The following NAV2 variants were observed in gnomAD, a reference collection of about 807,000 sequenced individuals.
NAV2 encodes helicase, APC down-regulated 1.
A neutral mutation model predicts 223.2 loss-of-function variants in NAV2; 54 were observed. That is an observed-to-expected ratio of 0.24 (90% confidence interval 0.19 to 0.30). NAV2 has a LOEUF of 0.30. Ranked by LOEUF, NAV2 falls within the 10% of genes least tolerant of loss-of-function variation. The pLI is 1.00. For missense variants in NAV2, 2,806 were observed against 3,147.5 expected, an observed-to-expected ratio of 0.89 and a Z score of 2.60; for synonymous variants, 1,279 against 1,239.3, an observed-to-expected ratio of 1.03 and a Z score of -0.67.
intron 26 of NAV2, among the ~76,000 whole-genome samples, chr11:20,084,145 T>C (rs1276526709): frequency 6.6e-6 from 1 of 152,224 alleles, no homozygotes; most frequent in Non-Finnish European, 1.5e-5. Context: ...TTGCCCAGGC[T>C]GGAGTGCAGA....
intron 1 of NAV2, among the ~76,000 whole-genome samples, chr11:19,357,777 C>A (rs960899845): frequency 6.6e-6 from 1 of 152,186 alleles, no homozygotes; most frequent in Admixed American, 6.5e-5. Flanking sequence ...CTTTATGTAG[C>A]AATCCTGTAA....
At chr11:19,582,352 A>G (rs2045745675) in intron 1 of NAV2, among the ~76,000 whole-genome samples, 1 of 152,176 alleles carries the variant, frequency 6.6e-6, no homozygotes, top group South Asian at 2.1e-4. Context: ...TTTGCTGTGC[A>G]GAAGCTCTTT....
intron 22 of NAV2, among the ~76,000 whole-genome samples, chr11:20,076,742 C>T (rs1347280644): frequency 2.0e-5 from 3 of 152,152 alleles, no homozygotes; most frequent in Non-Finnish European, 4.4e-5. Context: ...GCCACATTTC[C>T]CCATTCTTAA....
chr11:20,084,385 A>C (rs1371070669), intron 26 of NAV2, among the ~76,000 whole-genome samples: 3 of 152,226 alleles, frequency 2.0e-5, no homozygotes, highest in Non-Finnish European at 4.4e-5. Context: ...GGCATGAGCC[A>C]CTGCACCCAA....
chr11:20,114,482 C>T (rs1247215942), intron 36 of NAV2, 110 bp from the exon 37 acceptor site: 3 of 923,854 alleles, frequency 3.2e-6, no homozygotes, highest in Non-Finnish European at 3.3e-6. Context: ...ATTACTCCAT[C>T]AGGGAAGGCA....
intron 1 of NAV2, among the ~76,000 whole-genome samples, chr11:19,660,119 T>C (rs2048237288): frequency 6.6e-6 from 1 of 152,200 alleles, no homozygotes; most frequent in South Asian, 2.1e-4. Context: ...TTGTGTTCCC[T>C]TCCCCAGCAA....
rs112911279 is a variant in NAV2 at position 20,076,482 on chromosome 11, T to C, written c.4984-1070T>C. Among the ~76,000 whole-genome samples, 163 of 152,352 alleles carry C rather than the reference T, an allele frequency of 1.1e-3. 1 individual carries two copies. Among genetic ancestry groups the C allele is most frequent in the African/African-American group, 3.8e-3 (157 of 41,580 alleles). ...ACATGCCACTATTCCATTATACAAG[T>C]AGAGATTGGAGATTAGAAGATCCTA... On this transcript the variant is annotated intron_variant, in intron 22 of 37. Coordinates refer to ENST00000349880, the MANE Select transcript of NAV2 (RefSeq NM_145117.5).
chr11:19,784,032 T>G (rs1219662991), intron 1 of NAV2, among the ~76,000 whole-genome samples: 1 of 151,948 alleles, frequency 6.6e-6, no homozygotes, highest in South Asian at 2.1e-4. Flanking sequence ...TTAAGAAAAA[T>G]ATAGCAGGGT....
intron 1 of NAV2, among the ~76,000 whole-genome samples, chr11:19,547,659 A>G (rs2044546683): frequency 6.6e-6 from 1 of 151,992 alleles, no homozygotes; most frequent in African/African-American, 2.4e-5. Context: ...TTACTAATGG[A>G]AGGGAGTGGG....
chr11:19,847,537 T>C (rs889183795), intron 3 of NAV2, among the ~76,000 whole-genome samples: 3 of 152,200 alleles, frequency 2.0e-5, no homozygotes, highest in Admixed American at 1.3e-4. Context: ...AGGCCAGGTT[T>C]CTAATTCCTT....
In NAV2 at chr11:19,384,817, ACCTTGCTATC is replaced by A. The variant is rs1848973540; in HGVS notation, c.75+33794_75+33803del. ...TCTCTGGCTGATACACTCGCCATGG[ACCTTGCTATC>A]CCTGAGCTGGGACCCTAATGGATGT... On this transcript the variant is annotated intron_variant, in intron 1 of 37. Coordinates refer to the NAV2 transcript ENST00000360655. 3 of 152,160 alleles carry A rather than the reference ACCTTGCTATC, an allele frequency of 2.0e-5. No individual in the cohort carries two copies. The South Asian group carries it at 6.2e-4, about 32-fold the overall frequency. The allele number at this position is 152,160 out of a possible 1,614,324, so 9.4% of individuals were successfully genotyped here.
intron 1 of NAV2, among the ~76,000 whole-genome samples, chr11:19,706,839 C>A (rs1328811116): frequency 6.6e-6 from 1 of 152,130 alleles, no homozygotes; most frequent in African/African-American, 2.4e-5. Flanking sequence ...TGTTGTTGTA[C>A]AGACATCATA....
chr11:19,607,259 T>A (rs1382583337), intron 1 of NAV2, among the ~76,000 whole-genome samples: 1 of 152,204 alleles, frequency 6.6e-6, no homozygotes, highest in African/African-American at 2.4e-5. Flanking sequence ...CTTTCTCAGA[T>A]CTTCCACTGT....
chr11:19,517,511 A>C (rs2043495844), intron 1 of NAV2, among the ~76,000 whole-genome samples: 1 of 152,222 alleles, frequency 6.6e-6, no homozygotes, highest in Non-Finnish European at 1.5e-5. Flanking sequence ...CCCCAAACTG[A>C]CACCAGTCAT....
At chr11:19,816,699 C>G (rs11603611) in intron 1 of NAV2, among the ~76,000 whole-genome samples, 16,919 of 152,252 alleles carry the variant, frequency 0.11, 987 homozygotes, top group African/African-American at 0.12. Context: ...TATCCGCCCT[C>G]CTAAGCAAAA....
chr11:19,934,053 C>A lies in NAV2; in HGVS notation c.1809C>A (p.Pro603=), dbSNP rs780954668. The A allele has an allele frequency of 1.1e-5, 17 of 1,603,978 alleles. No homozygotes were observed. In the South Asian group the frequency reaches 1.8e-4, roughly 17 times the overall value. The stretch of plus-strand genomic sequence containing the variant: ...GCTCAGGACTCCCCCAGCAGAAGCC[C>A]CAGCTGGACGGCAGACACTCCAGTT... The part of the protein sequence containing the change: ...KLSSGLPQQK[P]QLDGRHSSSS... The change falls in exon 7 of 38, where the codon CCC becomes CCA. Residue 603 remains proline (P), a synonymous_variant. Transcript: ENST00000349880.
intron 1 of NAV2, among the ~76,000 whole-genome samples, chr11:19,589,067 G>A (rs951330440): frequency 1.3e-5 from 2 of 152,174 alleles, no homozygotes; most frequent in Non-Finnish European, 2.9e-5. Flanking sequence ...CCTCCTCTGT[G>A]CTGGTTCCTG....
At chr11:19,951,661 G>A (rs1006629449) in intron 10 of NAV2, among the ~76,000 whole-genome samples, 7 of 152,162 alleles carry the variant, frequency 4.6e-5, no homozygotes, top group Admixed American at 3.9e-4. Flanking sequence ...TGTTGATTAT[G>A]TCCACAAGGT....
chr11:19,346,078 T>A (rs535900140), upstream of NAV2, among the ~76,000 whole-genome samples: 1 of 152,094 alleles, frequency 6.6e-6, no homozygotes, highest in Non-Finnish European at 1.5e-5. Flanking sequence ...TATGAGCGCG[T>A]GTGTTTTCTG....
Sources: allele counts gnomAD v4.1 joint callset (sites outside exome capture counted in the v4.1 genomes callset), GRCh38; gene constraint gnomAD v4.1.1; transcripts MANE v1.5; gene names NCBI Gene and HGNC (gene_info 2026-07-23, HGNC 2026-07-21).